The following GNAI3 variants were observed in gnomAD, a reference collection of about 807,000 sequenced individuals.
GNAI3 encodes the protein G protein subunit alpha i3.
A neutral mutation model predicts 41.8 loss-of-function variants in GNAI3; 12 were observed. The observed-to-expected ratio is 0.29, with a 90% CI of 0.18 to 0.47. The LOEUF (loss-of-function observed/expected upper bound fraction) is 0.47. Ranked by LOEUF, GNAI3 falls within the 20% of genes least tolerant of loss-of-function variation. The pLI is 1.00. For missense variants in GNAI3, 360 were observed against 429.6 expected, an observed-to-expected ratio of 0.84 and a Z score of 1.43; for synonymous variants, 132 against 146.5, an observed-to-expected ratio of 0.90 and a Z score of 0.71.
At chr1:109,592,297 C>G (rs1649193239) in intron 8 of GNAI3, 42 bp downstream of exon 8, 2 of 1,068,988 alleles carry the variant, frequency 1.9e-6, no homozygotes, top group South Asian at 2.9e-5. Flanking sequence ...ACAGTGATGT[C>G]TCTTGGTTTT....
chr1:109,557,103 T>G (rs1648173832), intron 1 of GNAI3, among the ~76,000 whole-genome samples: 1 of 152,050 alleles, frequency 6.6e-6, no homozygotes, highest in Admixed American at 6.6e-5. Flanking sequence ...GCCCAGCTAT[T>G]TTTTGTATTT....
At chr1:109,587,666 A>T (rs1388136030) in intron 7 of GNAI3, among the ~76,000 whole-genome samples, 1 of 152,178 alleles carries the variant, frequency 6.6e-6, no homozygotes, top group East Asian at 1.9e-4. Context: ...TCAGAGATCA[A>T]CTCATGGAGG....
intron 3 of GNAI3, among the ~76,000 whole-genome samples, chr1:109,578,208 C>T (rs754066303): frequency 2.0e-5 from 3 of 152,070 alleles, no homozygotes; most frequent in Admixed American, 6.5e-5. Flanking sequence ...CAGTGGCTCA[C>T]GCCTGTAATC....
rs200718386 is a variant in GNAI3, at chr1:109,597,455, G to GT, written c.*5143dup. On this transcript the variant is annotated 3_prime_UTR_variant, in exon 9 of 9. Coordinates refer to ENST00000369851, the MANE Select transcript of GNAI3 (RefSeq NM_006496.4). ...CCAGCCTGGGCGACAGAGTGAGTCT[G>GT]TTTTTTTTTTGTTTTTTTTTAAAGT... The GT allele has an allele frequency of 1.6e-3, 237 of 147,552 alleles. 1 individual carries two copies. Among genetic ancestry groups the GT allele is most frequent in the African/African-American group, 3.7e-3 (151 of 40,284 alleles). 9.1% of individuals were successfully genotyped at this position (147,552 alleles called of 1,614,324 possible).
chr1:109,575,940 C>G (rs1396852937), intron 3 of GNAI3, among the ~76,000 whole-genome samples: 1 of 152,214 alleles, frequency 6.6e-6, no homozygotes, highest in Non-Finnish European at 1.5e-5. Flanking sequence ...CTAAATCATC[C>G]AGCTTTCTGG....
At chr1:109,551,511 A>G (rs1362835249) in intron 1 of GNAI3, among the ~76,000 whole-genome samples, 3 of 152,174 alleles carry the variant, frequency 2.0e-5, no homozygotes, top group Non-Finnish European at 4.4e-5. Context: ...GATTAATAGC[A>G]TGGGTCCTGA....
intron 5 of GNAI3, among the ~76,000 whole-genome samples, chr1:109,584,982 G>A (rs1011159436): frequency 3.3e-5 from 5 of 152,172 alleles, no homozygotes; most frequent in Non-Finnish European, 7.4e-5. Context: ...AAAAAGAATC[G>A]TGCAAGATCA....
chr1:109,573,802 G>A lies in GNAI3; in HGVS notation c.161+23G>A, dbSNP rs1433732783. 4 of 1,605,864 alleles carry A rather than the reference G, an allele frequency of 2.5e-6. No homozygotes were observed. In the Admixed American group the frequency reaches 6.7e-5, roughly 27 times the overall value. ...GAAGTAAGTTGGAATGTAGCGTTTTGTTAGACTAGGATTTCTCCTAATGCA... is the reference window on the plus strand; with the variant it reads ...GAAGTAAGTTGGAATGTAGCGTTTTATTAGACTAGGATTTCTCCTAATGCA... On this transcript the variant is annotated intron_variant, in intron 2 of 8. Transcript: ENST00000369851.
chr1:109,559,809 C>G (rs935431637), intron 1 of GNAI3, among the ~76,000 whole-genome samples: 1 of 152,150 alleles, frequency 6.6e-6, no homozygotes, highest in Non-Finnish European at 1.5e-5. Flanking sequence ...GATCCTGTTA[C>G]CGGCTTAGTA....
At chr1:109,591,870 A>G (rs1178894845) in intron 7 of GNAI3, among the ~76,000 whole-genome samples, 173 bp from the exon 8 acceptor site, 1 of 152,182 alleles carries the variant, frequency 6.6e-6, no homozygotes, top group South Asian at 2.1e-4. Context: ...ATGAGAGTCC[A>G]CTCTCACGAA....
Position 109,599,290 on chromosome 1 carries a change from C to G in GNAI3, c.*6968C>G, listed in dbSNP as rs573352305. 6.0e-6 allele frequency: 1 copy of G among 167,270 alleles called. No individual in the cohort carries two copies. The highest frequency in any genetic ancestry group is 1.7e-4 in the East Asian group (1 of 5,736). 10.4% of individuals were successfully genotyped at this position (167,270 alleles called of 1,614,324 possible). A position where few individuals can be genotyped will look rare whatever the true frequency, so the allele number is the denominator to read the frequency against. On this transcript the variant is annotated 3_prime_UTR_variant, in exon 9 of 9. Coordinates refer to ENST00000369851, the MANE Select transcript of GNAI3 (RefSeq NM_006496.4). ...CCATCTTAAGTGTACAGTTCAGTGG[C>G]ATTAAGTACATTCACACTGTTGCAC...
At chr1:109,581,891 A>AAAAAC (rs71069694) in intron 4 of GNAI3, among the ~76,000 whole-genome samples, 27,109 of 150,694 alleles carry the variant, frequency 0.18, 2,586 homozygotes, top group East Asian at 0.34. Context: ...TCTGTCTCAA[A>AAAAAC]AAAACAAAAC....
intron 1 of GNAI3, among the ~76,000 whole-genome samples, chr1:109,572,332 T>G (rs533793772): frequency 6.6e-6 from 1 of 152,084 alleles, no homozygotes; most frequent in South Asian, 2.1e-4. Flanking sequence ...TAATAATAAT[T>G]CAGAAACTGG....
Position 109,574,293 on chromosome 1 carries a change from C to CT in GNAI3, c.303+271dup, listed in dbSNP as rs559996663. Among the ~76,000 whole-genome samples the CT allele has an allele frequency of 7.9e-3, 1,081 of 136,986 alleles. 11 individuals carry two copies. Among genetic ancestry groups the CT allele is most frequent in the South Asian group, 0.042 (182 of 4,322 alleles). 89.9% of individuals were successfully genotyped at this position (136,986 alleles called of 152,430 possible). ...CTGGGATAACTGTTCTATTCAATTGCTTTTTTTTTTTTTTTAACAGCACTG... is the reference window on the plus strand; with the variant it reads ...CTGGGATAACTGTTCTATTCAATTGCTTTTTTTTTTTTTTTTAACAGCACTG... On this transcript the variant is annotated intron_variant, in intron 3 of 8. Transcript: ENST00000369851.
At chr1:109,572,046 G>A (rs1033799115) in intron 1 of GNAI3, among the ~76,000 whole-genome samples, 7 of 152,128 alleles carry the variant, frequency 4.6e-5, no homozygotes, top group Non-Finnish European at 1.0e-4. Flanking sequence ...GGTGGCTTTC[G>A]CCTGTAATAC....
chr1:109,586,106 T>C, intron 5 of GNAI3, 110 bp from the exon 6 acceptor site: 2 of 816,874 alleles, frequency 2.4e-6, no homozygotes, highest in Non-Finnish European at 3.7e-6. Context: ...TTTTCTTCTA[T>C]TATAAATGAA....
At chr1:109,579,054 TA>T in intron 3 of GNAI3, 149 bp from the exon 4 acceptor site, 1 of 611,636 alleles carries the variant, frequency 1.6e-6, no homozygotes. Flanking sequence ...GACTTAATTA[TA>T]AATTCTGTCA....
At chr1:109,577,416 A>G (rs1648780168) in intron 3 of GNAI3, among the ~76,000 whole-genome samples, 1 of 151,812 alleles carries the variant, frequency 6.6e-6, no homozygotes. Flanking sequence ...AGCTGGGACT[A>G]CAGGCACACG....
chr1:109,555,719 T>G (rs1234095327), intron 1 of GNAI3, among the ~76,000 whole-genome samples: 1 of 152,274 alleles, frequency 6.6e-6, no homozygotes, highest in East Asian at 1.9e-4. Context: ...GTCTTTTAGT[T>G]TTTAGGCAGT....
Sources: allele counts gnomAD v4.1 joint callset (sites outside exome capture counted in the v4.1 genomes callset), GRCh38; gene constraint gnomAD v4.1.1; transcripts MANE v1.5; gene names NCBI Gene and HGNC (gene_info 2026-07-23, HGNC 2026-07-21).